The following CSMD1 variants were observed in gnomAD, a reference collection of about 807,000 sequenced individuals.
CSMD1 encodes CUB and Sushi multiple domains 1.
A neutral mutation model predicts 417.5 loss-of-function variants in CSMD1; 213 were observed. That is an observed-to-expected ratio of 0.51 (90% CI 0.46 to 0.57). The LOEUF is 0.57. Ranked by LOEUF, CSMD1 falls within the 20% of genes least tolerant of loss-of-function variation. The probability of loss-of-function intolerance (pLI) is 0.00; values close to 1 mark genes in which losing one functional copy is unlikely to be tolerated. For missense variants in CSMD1, 6,923 were observed against 4,529.7 expected, an observed-to-expected ratio of 1.53 and a Z score of -15.17; for synonymous variants, 2,862 against 1,736.8, an observed-to-expected ratio of 1.65 and a Z score of -16.11.
intron 5 of CSMD1, among the ~76,000 whole-genome samples, chr8:3,844,856 C>G (rs1477959713): frequency 6.6e-6 from 1 of 152,082 alleles, no homozygotes; most frequent in Non-Finnish European, 1.5e-5. Flanking sequence ...AAAAATGTCT[C>G]TTAAAATTTA....
chr8:3,020,623 T>A (rs1244039677), intron 51 of CSMD1, among the ~76,000 whole-genome samples: 1 of 152,150 alleles, frequency 6.6e-6, no homozygotes, highest in Non-Finnish European at 1.5e-5. Context: ...AATCCTCCCA[T>A]CTTGGCCTTC....
At chr8:3,680,575 C>A (rs1374042685) in intron 7 of CSMD1, among the ~76,000 whole-genome samples, 1 of 152,104 alleles carries the variant, frequency 6.6e-6, no homozygotes, top group Non-Finnish European at 1.5e-5. Context: ...AGTCCAGGAC[C>A]AGATGGATTC....
intron 1 of CSMD1, among the ~76,000 whole-genome samples, chr8:4,840,984 G>A (rs1356969823): frequency 1.3e-5 from 2 of 152,302 alleles, no homozygotes; most frequent in Middle Eastern, 3.4e-3. Flanking sequence ...CCGATAAGGA[G>A]CATGTCCTCT....
intron 1 of CSMD1, among the ~76,000 whole-genome samples, chr8:4,873,716 T>A (rs530317726): frequency 1.1e-4 from 17 of 152,138 alleles, no homozygotes; most frequent in Non-Finnish European, 1.9e-4. Context: ...TAAACCAATA[T>A]TTGGCTTCAA....
intron 3 of CSMD1, among the ~76,000 whole-genome samples, chr8:4,415,121 C>T (rs1166113780): frequency 2.0e-5 from 3 of 152,030 alleles, no homozygotes; most frequent in East Asian, 1.9e-4. Flanking sequence ...GATGAAATAA[C>T]GTAAACTCAA....
At chr8:4,938,424 G>A (rs7835595) in intron 1 of CSMD1, among the ~76,000 whole-genome samples, 7,344 of 152,104 alleles carry the variant, frequency 0.048, 210 homozygotes, top group African/African-American at 0.062. Context: ...ATCAACAAGT[G>A]GCATATGCAT....
chr8:3,184,612 T>C (rs970613265), intron 36 of CSMD1, among the ~76,000 whole-genome samples: 1 of 152,226 alleles, frequency 6.6e-6, no homozygotes, highest in Admixed American at 6.5e-5. Flanking sequence ...AATTAAATAA[T>C]GCTTGCACAT....
chr8:3,891,208 G>A (rs188795282), intron 5 of CSMD1, among the ~76,000 whole-genome samples: 1 of 151,950 alleles, frequency 6.6e-6, no homozygotes, highest in East Asian at 1.9e-4. Context: ...ATCATGCCTG[G>A]CTAATATTTG....
chr8:4,557,947 G>A (rs1185382061), intron 2 of CSMD1, among the ~76,000 whole-genome samples: 2 of 152,042 alleles, frequency 1.3e-5, no homozygotes, highest in South Asian at 2.1e-4. Context: ...TATTTTTCAG[G>A]AAGCTGATAA....
chr8:4,093,363 A>G (rs1297533594), intron 3 of CSMD1, among the ~76,000 whole-genome samples: 1 of 152,188 alleles, frequency 6.6e-6, no homozygotes, highest in Non-Finnish European at 1.5e-5. Flanking sequence ...TGAAAGTTAA[A>G]TTTTATATTT....
intron 1 of CSMD1, among the ~76,000 whole-genome samples, chr8:4,767,037 A>C (rs182383853): frequency 2.2e-4 from 34 of 152,306 alleles, no homozygotes; most frequent in Admixed American, 1.4e-3. Flanking sequence ...CAACTAAATA[A>C]TACCTTTCAG....
chr8:4,795,123 C>G (rs994273040), intron 1 of CSMD1, among the ~76,000 whole-genome samples: 3 of 151,734 alleles, frequency 2.0e-5, no homozygotes, highest in African/African-American at 7.3e-5. Context: ...CAAAAAATAA[C>G]AACAGTAGAC....
intron 2 of CSMD1, among the ~76,000 whole-genome samples, chr8:4,569,208 A>G (rs1177111745): frequency 2.0e-5 from 3 of 152,148 alleles, no homozygotes; most frequent in Non-Finnish European, 4.4e-5. Flanking sequence ...TTAGTCATGA[A>G]GTCTTTGCCC....
chr8:3,839,335 C>T (rs1328602191), intron 5 of CSMD1, among the ~76,000 whole-genome samples: 1 of 108,402 alleles, frequency 9.2e-6, no homozygotes, highest in African/African-American at 3.5e-5. Context: ...ATTATATATA[C>T]TATTAATTAG....
chr8:4,246,372 C>A (rs906377650), intron 3 of CSMD1, among the ~76,000 whole-genome samples: 2 of 152,102 alleles, frequency 1.3e-5, no homozygotes, highest in South Asian at 4.1e-4. Context: ...AAGAGTAGTT[C>A]TTGATAAAAT....
At chr8:3,306,521 C>G (rs1265945191) in intron 25 of CSMD1, among the ~76,000 whole-genome samples, 1 of 152,180 alleles carries the variant, frequency 6.6e-6, no homozygotes, top group Non-Finnish European at 1.5e-5. Context: ...GGAGCTGAAG[C>G]AGCTGGGCTG....
At chr8:4,643,669 G>A (rs574268979) in intron 1 of CSMD1, among the ~76,000 whole-genome samples, 1 of 152,268 alleles carries the variant, frequency 6.6e-6, no homozygotes, top group South Asian at 2.1e-4. Context: ...TGAAGGAAGT[G>A]GAAGTTTCCC....
intron 3 of CSMD1, among the ~76,000 whole-genome samples, chr8:4,414,058 C>G (rs183238715): frequency 1.6e-3 from 249 of 152,278 alleles, no homozygotes; most frequent in Admixed American, 2.7e-3. Flanking sequence ...TTCTATCCTG[C>G]CAGGTGCATC....
At chr8:3,487,533 T>A (rs150800128) in intron 11 of CSMD1, among the ~76,000 whole-genome samples, 2 of 152,144 alleles carry the variant, frequency 1.3e-5, no homozygotes, top group Admixed American at 6.6e-5. Context: ...ATTTTAGGAA[T>A]AGCATATATA....
Sources: gnomAD v4.1 joint callset for allele counts (sites outside exome capture counted in the v4.1 genomes callset) on GRCh38, gnomAD v4.1.1 for gene constraint, MANE v1.5 for transcripts, NCBI Gene and HGNC (gene_info 2026-07-23, HGNC 2026-07-21) for gene names.